CDH13: variants seen among roughly 807,000 people sequenced by gnomAD.
CDH13 encodes cadherin 13.
A neutral mutation model predicts 63.8 loss-of-function variants in CDH13; 24 were observed. The ratio of observed to expected loss-of-function variants is 0.38; its 90% CI spans 0.27 to 0.53. CDH13 has a LOEUF of 0.53. CDH13 is among the 20% of genes least tolerant of loss of function. The probability of loss-of-function intolerance (pLI) is 0.85; values close to 1 mark genes in which losing one functional copy is unlikely to be tolerated. For missense variants in CDH13, 1,049 were observed against 903.1 expected (o/e 1.16, Z -2.07); for synonymous variants, 503 against 355.3 (o/e 1.42, Z -4.67).
intron 4 of CDH13, among the ~76,000 whole-genome samples, chr16:83,141,143 A>G (rs2036512177): frequency 6.6e-6 from 1 of 152,226 alleles, no homozygotes; most frequent in Admixed American, 6.5e-5. Context: ...TGATTCAGTG[A>G]GATCAGAGAA....
intron 2 of CDH13, among the ~76,000 whole-genome samples, chr16:82,938,603 A>G (rs569754546): frequency 6.6e-6 from 1 of 152,306 alleles, no homozygotes; most frequent in African/African-American, 2.4e-5. Flanking sequence ...GGGACACATG[A>G]GATGACATGG....
chr16:83,539,188 G>A (rs114772959), intron 7 of CDH13, among the ~76,000 whole-genome samples: 1 of 152,136 alleles, frequency 6.6e-6, no homozygotes, highest in Non-Finnish European at 1.5e-5. Flanking sequence ...GTGGGCAAGG[G>A]TGGGGGATGG....
intron 2 of CDH13, among the ~76,000 whole-genome samples, chr16:82,952,476 G>T (rs1203311975): frequency 2.0e-5 from 3 of 152,166 alleles, no homozygotes; most frequent in African/African-American, 7.2e-5. Flanking sequence ...AGCAGTGATG[G>T]CTCTAATGTG....
intron 6 of CDH13, among the ~76,000 whole-genome samples, chr16:83,452,282 T>G (rs1028627751): frequency 7.2e-5 from 11 of 152,222 alleles, no homozygotes; most frequent in African/African-American, 2.4e-4. Context: ...AGGATTTAGC[T>G]GCCTATAATC....
At chr16:83,346,107 C>T (rs1481193869) in intron 6 of CDH13, among the ~76,000 whole-genome samples, 2 of 152,138 alleles carry the variant, frequency 1.3e-5, no homozygotes, top group African/African-American at 2.4e-5. Context: ...CAAGAGCGAC[C>T]CTCTTCCTTC....
Position 82,761,017 on chromosome 16 carries a change from C to CTTTTTTTTT in CDH13, c.46-97324_46-97316dup, listed in dbSNP as rs35038319. 7.9e-3 allele frequency among the ~76,000 whole-genome samples: 318 copies of CTTTTTTTTT among 40,460 alleles called. 68 individuals are homozygous for CTTTTTTTTT. The highest frequency in any genetic ancestry group is 0.012 in the African/African-American group (132 of 11,218). The allele number at this position is 40,460 out of a possible 152,430, so 26.5% of individuals were successfully genotyped here. A position where few individuals can be genotyped will look rare whatever the true frequency, so the allele number is the denominator to read the frequency against. ...CTCTGGGGTTCACATTTCTTTCTTT[C>CTTTTTTTTT]TTTTTTTTTTTTTTTTTTTTTTTTT... On this transcript the variant is annotated intron_variant, in intron 1 of 13. Transcript: ENST00000567109.
Position 82,928,714 on chromosome 16 carries a change from C to A in CDH13, c.157+70241C>A, listed in dbSNP as rs552683549. ...TTTACAGATTTGAATGGATAAACATCCTTATTGTTCTTAAATACTAAAGTA... is the reference window on the plus strand; with the variant it reads ...TTTACAGATTTGAATGGATAAACATACTTATTGTTCTTAAATACTAAAGTA... On this transcript the variant is annotated intron_variant, in intron 2 of 13. Transcript: ENST00000567109. Among the ~76,000 whole-genome samples the A allele has an allele frequency of 2.6e-5, 4 of 152,236 alleles. No homozygotes were observed. The South Asian group carries it at 8.3e-4, about 32-fold the overall frequency.
chr16:83,686,759 C>A (rs749591977), intron 10 of CDH13, among the ~76,000 whole-genome samples: 5 of 151,902 alleles, frequency 3.3e-5, no homozygotes, highest in Non-Finnish European at 1.5e-5. Flanking sequence ...GTGAGGCCAC[C>A]AAAGACAGAG....
intron 8 of CDH13, among the ~76,000 whole-genome samples, chr16:83,665,135 G>A (rs1913818448): frequency 6.6e-6 from 1 of 151,818 alleles, no homozygotes; most frequent in East Asian, 1.9e-4. Flanking sequence ...AGCATAACAA[G>A]AATGAGCAAG....
At chr16:82,652,301 C>G (rs1910811943) in intron 1 of CDH13, among the ~76,000 whole-genome samples, 1 of 152,190 alleles carries the variant, frequency 6.6e-6, no homozygotes, top group African/African-American at 2.4e-5. Flanking sequence ...CTTGGCAGTT[C>G]TCAGAAGGTT....
intron 6 of CDH13, among the ~76,000 whole-genome samples, chr16:83,351,067 C>T (rs759447582): frequency 1.3e-5 from 2 of 152,264 alleles, no homozygotes; most frequent in East Asian, 1.9e-4. Context: ...CTAGCTCAGC[C>T]GATGGTGTTC....
In CDH13 at chr16:82,761,027, T is replaced by C. The variant is rs1350363488; in HGVS notation, c.46-97335T>C. ...CACATTTCTTTCTTTCTTTTTTTTTTTTTTTTTTTTTTTTTTTTTGGAGTC... is the reference window on the plus strand; with the variant it reads ...CACATTTCTTTCTTTCTTTTTTTTTCTTTTTTTTTTTTTTTTTTTGGAGTC... On this transcript the variant is annotated intron_variant, in intron 1 of 13. Transcript: ENST00000567109. Among the ~76,000 whole-genome samples the C allele has an allele frequency of 2.2e-4, 24 of 108,882 alleles. 1 individual carries two copies. The highest frequency in any genetic ancestry group is 3.6e-4 in the Non-Finnish European group (19 of 52,576). The allele number at this position is 108,882 out of a possible 152,430, so 71.4% of individuals were successfully genotyped here. A position where few individuals can be genotyped will look rare whatever the true frequency, so the allele number is the denominator to read the frequency against.
intron 6 of CDH13, among the ~76,000 whole-genome samples, chr16:83,420,838 G>T (rs1250895124): frequency 6.6e-6 from 1 of 152,170 alleles, no homozygotes; most frequent in African/African-American, 2.4e-5. Context: ...ACTGGTGAAA[G>T]TCCCAGAGTC....
intron 2 of CDH13, among the ~76,000 whole-genome samples, chr16:83,028,483 C>G (rs1354493252): frequency 2.0e-5 from 3 of 152,130 alleles, no homozygotes; most frequent in Non-Finnish European, 1.5e-5. Flanking sequence ...TGGGCAGGAA[C>G]ATGAAAACAG....
intron 5 of CDH13, among the ~76,000 whole-genome samples, chr16:83,225,077 C>T (rs1437029281): frequency 6.6e-6 from 1 of 152,146 alleles, no homozygotes; most frequent in African/African-American, 2.4e-5. Flanking sequence ...TAGGTGCTTT[C>T]CCAGGCCTGC....
In CDH13 at chr16:82,801,069, T is replaced by A. The variant is rs1321595393; in HGVS notation, c.46-57293T>A. ...CAGTGTTTACAAATTTTTCAAGTAC[T>A]CTCAGGAGCTCTTGATGCTTAGACT... On this transcript the variant is annotated intron_variant, in intron 1 of 13. Transcript: ENST00000567109. 2.0e-5 allele frequency among the ~76,000 whole-genome samples: 3 copies of A among 152,282 alleles called. No individual in the cohort carries two copies. The East Asian group carries it at 5.8e-4, about 29-fold the overall frequency.
At chr16:83,007,808 A>G (rs1168868044) in intron 2 of CDH13, among the ~76,000 whole-genome samples, 1 of 150,694 alleles carries the variant, frequency 6.6e-6, no homozygotes, top group Non-Finnish European at 1.5e-5. Context: ...TGGGCAACAG[A>G]GCAAGACGAC....
intron 8 of CDH13, among the ~76,000 whole-genome samples, chr16:83,627,714 A>C (rs1167025295): frequency 6.6e-6 from 1 of 152,092 alleles, no homozygotes; most frequent in Non-Finnish European, 1.5e-5. Flanking sequence ...CTGTTACCGG[A>C]AAGAGGTCCC....
intron 1 of CDH13, among the ~76,000 whole-genome samples, chr16:82,804,019 A>T (rs939782567): frequency 2.6e-5 from 4 of 152,086 alleles, no homozygotes; most frequent in Non-Finnish European, 2.9e-5. Context: ...CACGAGGTCA[A>T]GAGATCGAGA....
Sources: gnomAD v4.1 joint callset for allele counts (sites outside exome capture counted in the v4.1 genomes callset) on GRCh38, gnomAD v4.1.1 for gene constraint, MANE v1.5 for transcripts, NCBI Gene and HGNC (gene_info 2026-07-23, HGNC 2026-07-21) for gene names.